The following DACH1 variants were observed in gnomAD, a reference collection of about 807,000 sequenced individuals.
DACH1 encodes dachshund family transcription factor 1.
DACH1 carries 12 observed loss-of-function variants against 54.2 expected under a neutral mutation model. The ratio of observed to expected loss-of-function variants is 0.22; its 90% CI spans 0.14 to 0.36. The LOEUF is 0.36. DACH1 is among the 10% of genes least tolerant of loss of function. The pLI is 1.00. For missense variants in DACH1, 805 were observed against 929.8 expected (o/e 0.87, Z 1.75); for synonymous variants, 386 against 366.2 (o/e 1.05, Z -0.62).
At chr13:71,690,450 A>C (rs916403346) in intron 1 of DACH1, among the ~76,000 whole-genome samples, 3 of 151,910 alleles carry the variant, frequency 2.0e-5, no homozygotes, top group Non-Finnish European at 1.5e-5. Context: ...TACCCACAAC[A>C]CCTCTCTTTT....
chr13:71,641,621 T>C (rs927729249), intron 2 of DACH1, among the ~76,000 whole-genome samples: 1 of 152,100 alleles, frequency 6.6e-6, no homozygotes, highest in Non-Finnish European at 1.5e-5. Flanking sequence ...GAAAAACACA[T>C]AGTGCCATGT....
intron 1 of DACH1, among the ~76,000 whole-genome samples, chr13:71,839,034 G>C (rs547072673): frequency 6.6e-6 from 1 of 152,120 alleles, no homozygotes; most frequent in Non-Finnish European, 1.5e-5. Flanking sequence ...GTATTTCTTC[G>C]AGTCACAATC....
chr13:71,557,842 T>TAAA (rs569104411), intron 5 of DACH1, among the ~76,000 whole-genome samples: 63 of 88,012 alleles, frequency 7.2e-4, no homozygotes, highest in African/African-American at 2.2e-3. Flanking sequence ...TGGCCTGTAC[T>TAAA]AAAAAAAAAA....
chr13:71,547,819 T>C (rs889160723), intron 6 of DACH1, among the ~76,000 whole-genome samples: 3 of 152,176 alleles, frequency 2.0e-5, no homozygotes, highest in African/African-American at 7.2e-5. Flanking sequence ...TTACCTAAGC[T>C]TGGCTATTAT....
At chr13:71,654,532 T>C (rs577756113) in intron 2 of DACH1, among the ~76,000 whole-genome samples, 2 of 136,754 alleles carry the variant, frequency 1.5e-5, no homozygotes, top group East Asian at 5.0e-4. Flanking sequence ...AACTAATAAA[T>C]GGGGCAGTCA....
At chr13:71,855,043 T>C (rs527629712) in intron 1 of DACH1, among the ~76,000 whole-genome samples, 43 of 152,206 alleles carry the variant, frequency 2.8e-4, no homozygotes, top group African/African-American at 1.0e-3. Flanking sequence ...TCATGACTTA[T>C]GATAGTAAGG....
intron 1 of DACH1, among the ~76,000 whole-genome samples, chr13:71,738,852 TA>T (rs1324014871): frequency 1.3e-5 from 2 of 151,648 alleles, no homozygotes; most frequent in Non-Finnish European, 2.9e-5. Flanking sequence ...AGTTGCAGGT[TA>T]CTTTAATGGG....
intron 2 of DACH1, among the ~76,000 whole-genome samples, chr13:71,633,716 A>G (rs1398434624): frequency 6.6e-6 from 1 of 152,166 alleles, no homozygotes; most frequent in Non-Finnish European, 1.5e-5. Flanking sequence ...GCTATGACAT[A>G]TGCAACAATT....
chr13:71,629,465 C>A (rs1876917955), intron 3 of DACH1, among the ~76,000 whole-genome samples: 1 of 152,136 alleles, frequency 6.6e-6, no homozygotes, highest in African/African-American at 2.4e-5. Context: ...TTTAGCATCA[C>A]TGAAACAGTA....
At chr13:71,842,879 G>A (rs1039449962) in intron 1 of DACH1, among the ~76,000 whole-genome samples, 7 of 152,114 alleles carry the variant, frequency 4.6e-5, no homozygotes, top group African/African-American at 1.4e-4. Flanking sequence ...TGTCAATTGG[G>A]TGTCTTGTTA....
intron 1 of DACH1, among the ~76,000 whole-genome samples, chr13:71,758,235 G>T (rs1885251099): frequency 6.6e-6 from 1 of 152,086 alleles, no homozygotes; most frequent in Admixed American, 6.6e-5. Flanking sequence ...TCCTCAGTGG[G>T]TGTCAGTTGT....
rs374768908 is a variant in DACH1, at chr13:71,557,162, T to A, written c.1436-4A>T. The A allele has an allele frequency of 6.3e-7, 1 of 1,596,160 alleles. No individual in the cohort carries two copies. Among genetic ancestry groups the A allele is most frequent in the African/African-American group, 1.4e-5 (1 of 73,530 alleles). On this transcript the variant is annotated splice_region_variant and splice_polypyrimidine_tract_variant and intron_variant, in intron 5 of 10. Coordinates refer to ENST00000613252, the MANE Select transcript of DACH1 (RefSeq NM_080759.6). ...GACAACCCATTCTGATGGACCGCTA[T>A]TATGGCCCAAAAGAAAACAAACAAA...
chr13:71,796,748 C>A (rs929544663), intron 1 of DACH1, among the ~76,000 whole-genome samples: 1 of 151,386 alleles, frequency 6.6e-6, no homozygotes, highest in Non-Finnish European at 1.5e-5. Flanking sequence ...ATATATAGTA[C>A]TAATTTGTAA....
chr13:71,529,681 C>T (rs537131811), intron 6 of DACH1, among the ~76,000 whole-genome samples: 98 of 152,314 alleles, frequency 6.4e-4, no homozygotes, highest in Non-Finnish European at 1.2e-3. Flanking sequence ...AATCCAGTTG[C>T]ATCTGTATAT....
At chr13:71,818,151 T>C (rs985896271) in intron 1 of DACH1, among the ~76,000 whole-genome samples, 1 of 152,106 alleles carries the variant, frequency 6.6e-6, no homozygotes. Context: ...AATATTTCTA[T>C]TGAACAGTGC....
intron 1 of DACH1, among the ~76,000 whole-genome samples, chr13:71,745,288 T>G (rs1242725626): frequency 6.6e-6 from 1 of 152,196 alleles, no homozygotes; most frequent in African/African-American, 2.4e-5. Flanking sequence ...TGAGAACATA[T>G]GTAATAGGCA....
chr13:71,722,287 C>A (rs1393891348), intron 1 of DACH1, among the ~76,000 whole-genome samples: 2 of 152,106 alleles, frequency 1.3e-5, no homozygotes, highest in Non-Finnish European at 2.9e-5. Context: ...GATTTTCTAC[C>A]TTTTGAGAGA....
chr13:71,537,677 T>C (rs1882895761), intron 6 of DACH1, among the ~76,000 whole-genome samples: 1 of 152,140 alleles, frequency 6.6e-6, no homozygotes, highest in Admixed American at 6.6e-5. Context: ...CTCAATCCCA[T>C]CTTGAAAATA....
At chr13:71,766,044 G>T (rs1411946276) in intron 1 of DACH1, among the ~76,000 whole-genome samples, 1 of 151,934 alleles carries the variant, frequency 6.6e-6, no homozygotes, top group African/African-American at 2.4e-5. Context: ...CCGCCACCAC[G>T]TCCAGCTAAT....
Sources: allele counts gnomAD v4.1 joint callset (sites outside exome capture counted in the v4.1 genomes callset), GRCh38; gene constraint gnomAD v4.1.1; transcripts MANE v1.5; gene names NCBI Gene and HGNC (gene_info 2026-07-23, HGNC 2026-07-21).